Variants in FRMPD4 observed in about 807,000 individuals in gnomAD.
FRMPD4 encodes FERM and PDZ domain containing 4.
In FRMPD4, 22 loss-of-function variants were observed where a neutral mutation model predicts 94.1. That is an observed-to-expected ratio of 0.23 (90% CI 0.17 to 0.33). The LOEUF is 0.33. Among genes scored for constraint, FRMPD4 ranks in the 10% least tolerant of loss-of-function variants. The probability of loss-of-function intolerance (pLI) is 1.00; values close to 1 mark genes in which losing one functional copy is unlikely to be tolerated. For synonymous variants in FRMPD4, 631 were observed against 548.6 expected, an observed-to-expected ratio of 1.15 and a Z score of -2.10; for missense variants, 1,111 against 1,339.9, an observed-to-expected ratio of 0.83 and a Z score of 2.67.
chrX:12,255,806 C>T lies in FRMPD4; in HGVS notation c.41+116794C>T, dbSNP rs1394251198. On this transcript the variant is annotated intron_variant, in intron 1 of 16. Coordinates refer to ENST00000675598, the MANE Select transcript of FRMPD4 (RefSeq NM_001368397.1). ...CTTACTTTGGGATTCATCAAAGTGG[C>T]CATACTATAAATGGGTGTTGTACAG... Among the ~76,000 whole-genome samples, 5 of 111,654 alleles carry T rather than the reference C, an allele frequency of 4.5e-5. 1 individual carries two copies. The highest frequency in any genetic ancestry group is 3.8e-4 in the Admixed American group (4 of 10,540).
At chrX:11,984,064 A>G (rs1429167017) in intron 3 of FRMPD4, among the ~76,000 whole-genome samples, 1 of 112,046 alleles carries the variant, frequency 8.9e-6, no homozygotes, top group Non-Finnish European at 1.9e-5. Context: ...CAGGACTGTA[A>G]GGTGGACGTC....
At chrX:12,637,563 C>T (rs1260528724) in intron 4 of FRMPD4, among the ~76,000 whole-genome samples, 1 of 110,944 alleles carries the variant, frequency 9.0e-6, no homozygotes, top group Non-Finnish European at 1.9e-5. Flanking sequence ...GCCTGTAGTC[C>T]TAGCTACTTG....
At chrX:12,234,250 G>A (rs2057046223) in intron 1 of FRMPD4, among the ~76,000 whole-genome samples, 1 of 111,774 alleles carries the variant, frequency 8.9e-6, no homozygotes, top group African/African-American at 3.2e-5. Context: ...ATATTTTAAT[G>A]TAATGTTAAT....
At chrX:12,430,843 T>C (rs1005782535) in intron 1 of FRMPD4, among the ~76,000 whole-genome samples, 2 of 112,386 alleles carry the variant, frequency 1.8e-5, no homozygotes, top group African/African-American at 6.5e-5. Flanking sequence ...TAATTTTGTC[T>C]CTAGGTAAAA....
At chrX:12,119,001 C>CT (rs2055433046) in intron 3 of FRMPD4, among the ~76,000 whole-genome samples, 1 of 111,215 alleles carries the variant, frequency 9.0e-6, no homozygotes, top group East Asian at 2.8e-4. Context: ...CCACCACAGA[C>CT]TGACTGCATT....
intron 1 of FRMPD4, among the ~76,000 whole-genome samples, chrX:12,397,059 C>A (rs963679339): frequency 9.0e-6 from 1 of 110,640 alleles, no homozygotes; most frequent in Admixed American, 9.6e-5. Context: ...AGTGAGACAG[C>A]CCTAGTAAGC....
At chrX:12,623,974 T>A (rs1006623337) in intron 4 of FRMPD4, among the ~76,000 whole-genome samples, 4 of 111,291 alleles carry the variant, frequency 3.6e-5, no homozygotes, top group Non-Finnish European at 7.5e-5. Flanking sequence ...AACCCAGGAG[T>A]TTAAGACCAG....
intron 3 of FRMPD4, among the ~76,000 whole-genome samples, chrX:12,084,056 G>A (rs1321830829): frequency 9.1e-6 from 1 of 109,918 alleles, no homozygotes; most frequent in Non-Finnish European, 1.9e-5. Context: ...CTTTTGAAAT[G>A]TAAGGACATG....
At position 12,718,419 on chromosome X, in the gene FRMPD4, G is replaced by A. The variant is rs376320353; in HGVS notation, c.3593G>A (p.Arg1198Gln). 1.4e-5 allele frequency: 17 copies of A among 1,209,413 alleles called. No homozygotes were observed. The highest frequency in any genetic ancestry group is 2.3e-4 in the Middle Eastern group (1 of 4,374). ...CTTTGTGACTACCACTTGGCCAAGC[G>A]GATGTCATCACTGCAAAGCGAGGGC... ...ARLCDYHLAK[R>Q]MSSLQSEGHF... Residue 1198 changes from arginine (R) to glutamine (Q), a missense_variant, in exon 16 of 17, where the codon CGG (arginine) becomes CAG (glutamine). Physicochemically the swap from Arg to Gln is conservative, Grantham distance 43. Around this residue, in one of 8 missense-constraint regions of FRMPD4, gnomAD observed 551 missense variants for 591.6 expected, o/e 0.93. Coordinates refer to ENST00000675598, the MANE Select transcript of FRMPD4 (RefSeq NM_001368397.1).
intron 3 of FRMPD4, among the ~76,000 whole-genome samples, chrX:12,017,042 C>T (rs2054608237): frequency 8.9e-6 from 1 of 112,115 alleles, no homozygotes; most frequent in Non-Finnish European, 1.9e-5. Context: ...CTGCTTCATG[C>T]TGATTGACCT....
chrX:12,111,793 G>A (rs1358170145), intron 3 of FRMPD4, among the ~76,000 whole-genome samples: 4 of 112,036 alleles, frequency 3.6e-5, no homozygotes, highest in African/African-American at 1.3e-4. Context: ...AGACATTTAT[G>A]CAGCCAACAG....
intron 1 of FRMPD4, among the ~76,000 whole-genome samples, chrX:11,826,546 A>G (rs1051479359): frequency 1.8e-5 from 2 of 111,972 alleles, no homozygotes; most frequent in African/African-American, 6.5e-5. Context: ...CATAAATAAT[A>G]AATACCTGTC....
chrX:12,646,965 G>T, intron 4 of FRMPD4, among the ~76,000 whole-genome samples: 1 of 111,784 alleles, frequency 8.9e-6, no homozygotes, highest in Non-Finnish European at 1.9e-5. Flanking sequence ...TAACCCCTAG[G>T]AACAACTGGG....
chrX:12,524,728 C>T (rs550074979), intron 2 of FRMPD4, among the ~76,000 whole-genome samples: 3 of 111,459 alleles, frequency 2.7e-5, no homozygotes, highest in African/African-American at 9.8e-5. Context: ...TTGATATTCT[C>T]TGCCTCCTCT....
chrX:12,658,643 G>T (rs1305446327), intron 4 of FRMPD4, among the ~76,000 whole-genome samples: 1 of 111,248 alleles, frequency 9.0e-6, no homozygotes, highest in Admixed American at 9.5e-5. Flanking sequence ...GTTCATCCAT[G>T]GCAAAGTGTT....
chrX:12,517,449 GC>G (rs2148262931), intron 2 of FRMPD4, among the ~76,000 whole-genome samples: 1 of 98,095 alleles, frequency 1.0e-5, no homozygotes, highest in East Asian at 3.1e-4. Context: ...TAACTGTCAG[GC>G]CCCTCTTCCG....
At chrX:12,318,842 G>A (rs913807825) in intron 1 of FRMPD4, among the ~76,000 whole-genome samples, 3 of 109,531 alleles carry the variant, frequency 2.7e-5, no homozygotes, top group Non-Finnish European at 5.7e-5. Context: ...ACCCAGATTC[G>A]ATCATTATAA....
rs557842509 is a variant in FRMPD4 at position 12,534,889 on chromosome X, G to A, written c.158+36093G>A. On this transcript the variant is annotated intron_variant, in intron 2 of 16. Coordinates refer to ENST00000675598, the MANE Select transcript of FRMPD4 (RefSeq NM_001368397.1). ...ATCCTGAAATGAGTTAAGACTTTGG[G>A]GAACTGTTGGGAAGGCATGATTGGT... 9.8e-5 allele frequency among the ~76,000 whole-genome samples: 11 copies of A among 111,712 alleles called. 1 individual carries two copies. In the South Asian group the frequency reaches 3.4e-3, roughly 35 times the overall value.
At chrX:12,395,114 C>T (rs1453278257) in intron 1 of FRMPD4, among the ~76,000 whole-genome samples, 1 of 112,102 alleles carries the variant, frequency 8.9e-6, no homozygotes, top group Non-Finnish European at 1.9e-5. Context: ...TGGGCACTGA[C>T]CAATAACAAT....
Sources: allele counts gnomAD v4.1 joint callset (sites outside exome capture counted in the v4.1 genomes callset), GRCh38; gene constraint gnomAD v4.1.1; regional missense constraint gnomAD v4.1.1; transcripts MANE v1.5; gene names NCBI Gene and HGNC (gene_info 2026-07-23, HGNC 2026-07-21).